Variants in MPDZ observed in about 807,000 individuals in gnomAD.
The protein encoded by MPDZ is multiple PDZ domain protein.
A neutral mutation model predicts 239.1 loss-of-function variants in MPDZ; 234 were observed. The ratio of observed to expected loss-of-function variants is 0.98; its 90% CI spans 0.88 to 1.09. MPDZ has a LOEUF of 1.09. MPDZ is among the 50% of genes least tolerant of loss of function. MPDZ has a pLI of 0.00. For missense variants in MPDZ, 3,175 were observed against 2,510.0 expected, an observed-to-expected ratio of 1.26 and a Z score of -5.66; for synonymous variants, 1,048 against 881.3, an observed-to-expected ratio of 1.19 and a Z score of -3.35.
chr9:13,113,062 G>C lies in MPDZ; in HGVS notation c.5558-8C>G. ...CCTGTATTTCAGATGCCACTGTAAA[G>C]GCAAAAAAGATAAAATAGGGTTATT... On this transcript the variant is annotated splice_polypyrimidine_tract_variant and splice_region_variant and intron_variant, in intron 41 of 46. Coordinates refer to ENST00000319217, the MANE Select transcript of MPDZ (RefSeq NM_001378778.1). 1 of 1,563,690 alleles carries C rather than the reference G, an allele frequency of 6.4e-7. No homozygotes were observed. The highest frequency in any genetic ancestry group is 8.7e-7 in the Non-Finnish European group (1 of 1,153,464).
At chr9:13,149,029 T>C (rs1194810613) in intron 25 of MPDZ, among the ~76,000 whole-genome samples, 1 of 151,726 alleles carries the variant, frequency 6.6e-6, no homozygotes, top group Admixed American at 6.6e-5. Context: ...AGGTATTTAA[T>C]AGTGAGGTAT....
intron 5 of MPDZ, 112 bp from the exon 6 acceptor site, chr9:13,222,558 C>A: frequency 2.4e-6 from 2 of 842,312 alleles, no homozygotes; most frequent in Non-Finnish European, 3.8e-6. Flanking sequence ...AATTCCCACA[C>A]TCTAAGCTTT....
At chr9:13,168,671 C>T in intron 21 of MPDZ, 107 bp from the exon 22 acceptor site, 1 of 868,520 alleles carries the variant, frequency 1.2e-6, no homozygotes, top group Non-Finnish European at 1.7e-6. Flanking sequence ...ATACAAGTAA[C>T]ATTTCAGTCA....
chr9:13,200,119 C>A (rs951025945), intron 12 of MPDZ, among the ~76,000 whole-genome samples: 1 of 151,828 alleles, frequency 6.6e-6, no homozygotes, highest in African/African-American at 2.4e-5. Flanking sequence ...CCAACTCAAT[C>A]TTGTTACTGG....
chr9:13,250,735 T>A (rs1486644405), intron 1 of MPDZ, among the ~76,000 whole-genome samples: 1 of 145,664 alleles, frequency 6.9e-6, no homozygotes, highest in African/African-American at 2.6e-5. Flanking sequence ...TAACTCCACA[T>A]AAGAAATTCT....
chr9:13,236,197 ATGTGTGTGTGTGTGTG>A (rs377695828), intron 3 of MPDZ, among the ~76,000 whole-genome samples: 1 of 76,994 alleles, frequency 1.3e-5, no homozygotes, highest in Admixed American at 1.8e-4. Context: ...TTCTGTATAT[ATGTGTGTGTGTGTGTG>A]TGTGTGTGTG....
At chr9:13,123,544 T>A (rs1464089304) in intron 35 of MPDZ, among the ~76,000 whole-genome samples, 1 of 152,174 alleles carries the variant, frequency 6.6e-6, no homozygotes, top group East Asian at 1.9e-4. Flanking sequence ...TTATTTTCTA[T>A]GCTATCCTAC....
chr9:13,126,776 GAA>G lies in MPDZ; in HGVS notation c.4465-6_4465-5del. ...CAATACCCAAACCCCCCTGATCCTA[GAA>G]AAGTAAAAACAAAAATGCTCAGAAG... On this transcript the variant is annotated splice_region_variant and splice_polypyrimidine_tract_variant and intron_variant, in intron 32 of 46. Coordinates refer to ENST00000319217, the MANE Select transcript of MPDZ (RefSeq NM_001378778.1). 6.2e-7 allele frequency: 1 copy of G among 1,612,638 alleles called. No individual in the cohort carries two copies. The highest frequency in any genetic ancestry group is 8.5e-7 in the Non-Finnish European group (1 of 1,178,872).
intron 3 of MPDZ, among the ~76,000 whole-genome samples, chr9:13,246,966 GT>G (rs1455946764): frequency 1.3e-5 from 2 of 152,114 alleles, no homozygotes; most frequent in Non-Finnish European, 2.9e-5. Context: ...TCTGACTTCA[GT>G]TTTCATTCTG....
chr9:13,171,868 G>A (rs1014057248), intron 21 of MPDZ, among the ~76,000 whole-genome samples: 5 of 152,094 alleles, frequency 3.3e-5, no homozygotes, highest in African/African-American at 1.2e-4. Context: ...TGATTAAGGG[G>A]AGACTATGAA....
intron 1 of MPDZ, among the ~76,000 whole-genome samples, chr9:13,253,225 T>TTA (rs1968573259): frequency 7.0e-6 from 1 of 143,796 alleles, no homozygotes; most frequent in Non-Finnish European, 1.5e-5. Context: ...ACACAAAGGT[T>TTA]AAAAAAAAAA....
intron 25 of MPDZ, among the ~76,000 whole-genome samples, chr9:13,149,946 A>AT (rs1181926842): frequency 2.0e-5 from 3 of 152,170 alleles, no homozygotes; most frequent in South Asian, 4.1e-4. Flanking sequence ...AGGTGTCAGC[A>AT]TTAAATATTT....
intron 10 of MPDZ, among the ~76,000 whole-genome samples, chr9:13,209,283 T>G (rs749585050): frequency 2.0e-5 from 3 of 152,132 alleles, no homozygotes; most frequent in African/African-American, 4.8e-5. Context: ...CACACATGTG[T>G]GCATACAAGC....
chr9:13,165,401 C>T, intron 22 of MPDZ: 5 of 1,549,302 alleles, frequency 3.2e-6, no homozygotes, highest in Admixed American at 2.0e-5. Context: ...GCAGGTGCTG[C>T]AGAAAATCTA....
chr9:13,143,643 C>T (rs1422416639), intron 26 of MPDZ, 79 bp from the exon 27 acceptor site: 1 of 1,097,466 alleles, frequency 9.1e-7, no homozygotes, highest in Non-Finnish European at 1.4e-6. Context: ...AAGTACATAC[C>T]GATTTAAAGA....
chr9:13,204,940 T>A (rs920752882), intron 12 of MPDZ, 96 bp downstream of exon 12: 1 of 778,058 alleles, frequency 1.3e-6, no homozygotes, highest in Non-Finnish European at 1.9e-6. Flanking sequence ...TTTAGTAACT[T>A]ACAATATATC....
intron 10 of MPDZ, among the ~76,000 whole-genome samples, chr9:13,215,524 T>C (rs1958194229): frequency 6.6e-6 from 1 of 151,376 alleles, no homozygotes; most frequent in Admixed American, 6.6e-5. Context: ...ATAATATTGC[T>C]ATGAATAAGG....
In MPDZ at chr9:13,188,689, A is replaced by ACG. The variant is rs1403736264; in HGVS notation, c.2364+93_2364+94dup. On this transcript the variant is annotated intron_variant, in intron 17 of 46. Coordinates refer to ENST00000319217, the MANE Select transcript of MPDZ (RefSeq NM_001378778.1). ...ACGTTGATGAAAACTACTAAAAGTCACGATTCAATCATGAGAACACCTAAA... is the reference window on the plus strand; with the variant it reads ...ACGTTGATGAAAACTACTAAAAGTCACGCGATTCAATCATGAGAACACCTAAA... 14 of 1,015,916 alleles carry ACG rather than the reference A, an allele frequency of 1.4e-5. No individual in the cohort carries two copies. In the Admixed American group the frequency reaches 3.2e-4, roughly 23 times the overall value. The allele number at this position is 1,015,916 out of a possible 1,614,324, so 62.9% of individuals were successfully genotyped here. A position where few individuals can be genotyped will look rare whatever the true frequency, so the allele number is the denominator to read the frequency against.
chr9:13,187,361 G>A (rs1954257484), intron 17 of MPDZ, among the ~76,000 whole-genome samples: 1 of 151,930 alleles, frequency 6.6e-6, no homozygotes, highest in Non-Finnish European at 1.5e-5. Flanking sequence ...AAAACTAAAA[G>A]GTATATTGAG....
Sources: gnomAD v4.1 joint callset for allele counts (sites outside exome capture counted in the v4.1 genomes callset) on GRCh38, gnomAD v4.1.1 for gene constraint, MANE v1.5 for transcripts, NCBI Gene and HGNC (gene_info 2026-07-23, HGNC 2026-07-21) for gene names.